LOX: variants seen among roughly 807,000 people sequenced by gnomAD.
The protein encoded by LOX is protein-lysine 6-oxidase.
LOX carries 12 observed loss-of-function variants against 50.5 expected under a neutral mutation model. The observed-to-expected ratio is 0.24, with a 90% CI of 0.15 to 0.38. LOX has a LOEUF of 0.38. Ranked by LOEUF, LOX falls within the 10% of genes least tolerant of loss-of-function variation. LOX has a pLI of 1.00. For missense variants in LOX, 504 were observed against 563.8 expected (o/e 0.89, Z 1.07); for synonymous variants, 254 against 230.6 (o/e 1.10, Z -0.92).
At chr5:122,073,928 T>C (rs975059020) in intron 4 of LOX, 85 bp downstream of exon 4, 4 of 1,274,228 alleles carry the variant, frequency 3.1e-6, no homozygotes, top group African/African-American at 1.5e-5. Flanking sequence ...GTGCTCTTCA[T>C]GAAATGCTAT....
intron 4 of LOX, among the ~76,000 whole-genome samples, chr5:122,072,774 A>G (rs1469371991): frequency 6.6e-6 from 1 of 152,222 alleles, no homozygotes; most frequent in African/African-American, 2.4e-5. Flanking sequence ...ATAAAATGAA[A>G]TGGGGTCACC....
rs762522856 is a variant in LOX, at chr5:122,077,524, G to A, written c.462C>T (p.Leu154=). 4.3e-6 allele frequency: 7 copies of A among 1,613,804 alleles called. No homozygotes were observed. The highest frequency in any genetic ancestry group is 3.3e-5 in the South Asian group (3 of 91,084). ...NQTAPGEVPA[L]SNLRPPSRVD... is the part of the protein sequence containing the mutation. Reference sequence around the variant, plus strand: ...CGCGGCTGGGCGGCCGCAGGTTACTGAGCGCAGGAACTTCTCCCGGCGCTG... The same window carrying A: ...CGCGGCTGGGCGGCCGCAGGTTACTAAGCGCAGGAACTTCTCCCGGCGCTG... The change falls in exon 1 of 7, where the codon CTC becomes CTT. Residue 154 remains leucine (L), a synonymous_variant. Transcript: ENST00000231004. The surrounding 1 kb of genome is among the most constrained non-coding windows in gnomAD (Gnocchi z 4.9).
At chr5:122,067,208 G>C (rs1374109973) in intron 6 of LOX, among the ~76,000 whole-genome samples, 1 of 151,824 alleles carries the variant, frequency 6.6e-6, no homozygotes, top group Non-Finnish European at 1.5e-5. Context: ...AAATATTACT[G>C]TCTTTAAATG....
rs186028768 is a variant in LOX, at chr5:122,070,068, C to T, written c.1232G>A (p.Gly411Asp). 2.2e-5 allele frequency: 36 copies of T among 1,611,030 alleles called. No individual in the cohort carries two copies. Among genetic ancestry groups the T allele is most frequent in the Non-Finnish European group, 3.1e-5 (36 of 1,177,504 alleles). The change falls in exon 6 of 7, where the codon GGC (glycine) becomes GAC (aspartate). Residue 411 changes from glycine (G) to aspartate (D), a missense_variant. By Grantham distance (94) the Gly-to-Asp change is moderately conservative. This residue lies in a region of LOX where 106 missense variants were observed against 198.1 expected (regional missense o/e 0.54). Transcript: ENST00000231004. ...TAACACTTACGGTGAAATTGTGCAG[C>T]CTGAGGCATACGCATGATGTCCTGT... ...RYTGHHAYAS[G>D]CTISPY
Position 122,077,708 on chromosome 5 carries a change from A to G in LOX, c.278T>C (p.Leu93Pro), listed in dbSNP as rs755949643. 1 of 1,592,558 alleles carries G rather than the reference A, an allele frequency of 6.3e-7. No homozygotes were observed. Reference protein sequence around the residue: ...SAQQPRTPILLIRDNRTAAAR... With the variant: ...SAQQPRTPILPIRDNRTAAAR... ...CGCGGCGGTGCGGTTGTCGCGGATC[A>G]GCAGGATCGGAGTGCGGGGCTGCTG... Residue 93 changes from leucine to proline, a missense_variant, in exon 1 of 7, where the codon CTG becomes CCG. This residue lies in a region of LOX where 398 missense variants were observed against 365.8 expected (regional missense o/e 1.09). Coordinates refer to ENST00000231004, the MANE Select transcript of LOX (RefSeq NM_002317.7). The surrounding 1 kb of genome is among the most constrained non-coding windows in gnomAD (Gnocchi z 4.9).
chr5:122,071,985 C>T (rs1357886583), intron 4 of LOX, among the ~76,000 whole-genome samples: 1 of 152,176 alleles, frequency 6.6e-6, no homozygotes, highest in Non-Finnish European at 1.5e-5. Context: ...CCATACATCA[C>T]TTAACAGTAT....
In LOX at chr5:122,065,602, A is replaced by G. The variant is rs1403292767; in HGVS notation, c.*1141T>C. On this transcript the variant is annotated 3_prime_UTR_variant, in exon 7 of 7. Coordinates refer to ENST00000231004, the MANE Select transcript of LOX (RefSeq NM_002317.7). Reference sequence around the variant, plus strand: ...ACTATGTGCTTTGCTAATTTAGACTATATCTCAGACACACACACATGTGTG... The same window carrying G: ...ACTATGTGCTTTGCTAATTTAGACTGTATCTCAGACACACACACATGTGTG... 1 of 152,068 alleles carries G rather than the reference A, an allele frequency of 6.6e-6. No homozygotes were observed. The highest frequency in any genetic ancestry group is 1.5e-5 in the Non-Finnish European group (1 of 67,988). The allele number at this position is 152,068 out of a possible 1,614,324, so 9.4% of individuals were successfully genotyped here.
At chr5:122,076,336 A>T (rs2152590657) in intron 2 of LOX, among the ~76,000 whole-genome samples, 1 of 152,316 alleles carries the variant, frequency 6.6e-6, no homozygotes, top group South Asian at 2.1e-4. Context: ...AAACCCAGAG[A>T]ACCCCAATCC....
chr5:122,070,148 G>A lies in LOX; in HGVS notation c.1152C>T (p.Tyr384=). 6.2e-7 allele frequency: 1 copy of A among 1,611,786 alleles called. No individual in the cohort carries two copies. The highest frequency in any genetic ancestry group is 8.5e-7 in the Non-Finnish European group (1 of 1,178,112). Residue 384 remains tyrosine (Y), a synonymous_variant, in exon 6 of 7, where the codon TAC becomes TAT. Transcript: ENST00000231004. The part of the protein sequence containing the change: ...YILKVSVNPS[Y]LVPESDYTNN... ...TGGTATAGTCAGATTCAGGAACCAGGTAGCTGGGGTTTACACTGACCTGGG... is the reference window on the plus strand; with the variant it reads ...TGGTATAGTCAGATTCAGGAACCAGATAGCTGGGGTTTACACTGACCTGGG...
intron 6 of LOX, among the ~76,000 whole-genome samples, chr5:122,067,894 G>A (rs1323752133): frequency 6.6e-6 from 1 of 151,934 alleles, no homozygotes; most frequent in Non-Finnish European, 1.5e-5. Flanking sequence ...CTGAAACTCA[G>A]CCCAAAGAGA....
At chr5:122,069,195 A>G (rs1164744852) in intron 6 of LOX, among the ~76,000 whole-genome samples, 1 of 152,144 alleles carries the variant, frequency 6.6e-6, no homozygotes, top group Non-Finnish European at 1.5e-5. Context: ...ATTCTAGTAT[A>G]GCTCTGCTAT....
Position 122,066,557 on chromosome 5 carries a change from T to G in LOX, c.*186A>C. On this transcript the variant is annotated 3_prime_UTR_variant, in exon 7 of 7. Coordinates refer to ENST00000231004, the MANE Select transcript of LOX (RefSeq NM_002317.7). The stretch of plus-strand genomic sequence containing the variant: ...TAATAAACATTAAAAATTTCCCAAG[T>G]AATGATGACTTAAGCGTTCAAAATC... 2.0e-6 allele frequency: 1 copy of G among 494,348 alleles called. No individual in the cohort carries two copies. Among genetic ancestry groups the G allele is most frequent in the South Asian group, 4.5e-5 (1 of 22,076 alleles). The allele number at this position is 494,348 out of a possible 1,614,324, so 30.6% of individuals were successfully genotyped here.
chr5:122,072,647 G>T (rs141827856), intron 4 of LOX, among the ~76,000 whole-genome samples: 1 of 152,244 alleles, frequency 6.6e-6, no homozygotes, highest in East Asian at 1.9e-4. Flanking sequence ...TGAAGTCCAT[G>T]TGAAAGAGAC....
chr5:122,075,447 G>C lies in LOX; in HGVS notation c.835C>G (p.Pro279Ala). The C allele has an allele frequency of 1.9e-6, 3 of 1,613,812 alleles. No homozygotes were observed. The highest frequency in any genetic ancestry group is 2.5e-6 in the Non-Finnish European group (3 of 1,179,862). The change falls in exon 3 of 7, where the codon CCC (proline) becomes GCC (alanine). Residue 279 changes from proline to alanine, a missense_variant. This residue lies in a region of LOX where 106 missense variants were observed against 198.1 expected (regional missense o/e 0.54). Coordinates refer to ENST00000231004, the MANE Select transcript of LOX (RefSeq NM_002317.7). ...VKNQGTSDFL[P>A]SRPRYSWEWH... ...TCCCAGGAATATCTTGGTCGGCTGGGTAAGAAATCTGATGTCCCTTGGTTT... is the reference window on the plus strand; with the variant it reads ...TCCCAGGAATATCTTGGTCGGCTGGCTAAGAAATCTGATGTCCCTTGGTTT...
rs150023849 is a variant in LOX at position 122,077,522 on chromosome 5, C to A, written c.464G>T (p.Ser155Ile). 3.7e-6 allele frequency: 6 copies of A among 1,613,706 alleles called. No homozygotes were observed. Among genetic ancestry groups the A allele is most frequent in the Middle Eastern group, 1.6e-4 (1 of 6,084 alleles). The change falls in exon 1 of 7, where the codon AGT becomes ATT. Residue 155 changes from serine to isoleucine, a missense_variant. Around this residue, in one of 2 missense-constraint regions of LOX, gnomAD observed 398 missense variants for 365.8 expected, o/e 1.09. Coordinates refer to ENST00000231004, the MANE Select transcript of LOX (RefSeq NM_002317.7). This position sits in a 1 kb window ranked among gnomAD's most constrained non-coding sequence, Gnocchi z 4.9. The part of the protein sequence containing the change: ...QTAPGEVPAL[S>I]NLRPPSRVDG... The stretch of plus-strand genomic sequence containing the variant: ...CACGCGGCTGGGCGGCCGCAGGTTA[C>A]TGAGCGCAGGAACTTCTCCCGGCGC...
Position 122,077,029 on chromosome 5 carries a change from C to A in LOX, c.632-28G>T. The A allele has an allele frequency of 6.2e-7, 1 of 1,609,792 alleles. No individual in the cohort carries two copies. ...AAACGTCAGCAGGCGACGGGCGCAG[C>A]AGTGAAACAACCCGGCGCCCCCCGC... is the stretch of plus-strand genomic sequence containing the variant. On this transcript the variant is annotated intron_variant, in intron 1 of 6. Coordinates refer to ENST00000231004, the MANE Select transcript of LOX (RefSeq NM_002317.7). This position sits in a 1 kb window ranked among gnomAD's most constrained non-coding sequence, Gnocchi z 4.9.
At chr5:122,073,447 GC>G (rs1359216527) in intron 4 of LOX, among the ~76,000 whole-genome samples, 2 of 152,122 alleles carry the variant, frequency 1.3e-5, no homozygotes, top group East Asian at 3.8e-4. Flanking sequence ...TTTTTAAAGT[GC>G]TTTTAAAGAA....
At position 122,077,457 on chromosome 5, in the gene LOX, A is replaced by G. The variant is rs1754670774; in HGVS notation, c.529T>C (p.Tyr177His). The G allele has an allele frequency of 6.2e-7, 1 of 1,613,908 alleles. No homozygotes were observed. Among genetic ancestry groups the G allele is most frequent in the Non-Finnish European group, 8.5e-7 (1 of 1,179,984 alleles). ...VGDDPYNPYK[Y>H]SDDNPYYNYY... ...TTGTAATAAGGGTTGTCGTCAGAGT[A>G]CTTGTAGGGGTTGTAAGGGTCGTCG... The change falls in exon 1 of 7, where the codon TAC becomes CAC. Residue 177 changes from tyrosine to histidine, a missense_variant. Around this residue, in one of 2 missense-constraint regions of LOX, gnomAD observed 398 missense variants for 365.8 expected, o/e 1.09. Coordinates refer to ENST00000231004, the MANE Select transcript of LOX (RefSeq NM_002317.7). The surrounding 1 kb of genome is among the most constrained non-coding windows in gnomAD (Gnocchi z 4.9).
chr5:122,074,852 T>A (rs542446911), intron 3 of LOX, among the ~76,000 whole-genome samples: 1 of 152,312 alleles, frequency 6.6e-6, no homozygotes, highest in East Asian at 1.9e-4. Context: ...GAGGATTTCC[T>A]GAAAATAAAC....
Sources: gnomAD v4.1 joint callset for allele counts (sites outside exome capture counted in the v4.1 genomes callset) on GRCh38, gnomAD v4.1.1 for gene constraint, gnomAD v4.1.1 regional missense constraint, Gnocchi (gnomAD v3.1) non-coding constraint, MANE v1.5 for transcripts, NCBI Gene and HGNC (gene_info 2026-07-23, HGNC 2026-07-21) for gene names.